WARS1: variants seen among roughly 807,000 people sequenced by gnomAD.
The protein encoded by WARS1 is tryptophan--tRNA ligase, cytoplasmic.
A neutral mutation model predicts 47.8 loss-of-function variants in WARS1; 17 were observed. The ratio of observed to expected loss-of-function variants is 0.36; its 90% confidence interval spans 0.24 to 0.53. WARS1 has a LOEUF of 0.53. Ranked by LOEUF, WARS1 falls within the 20% of genes least tolerant of loss-of-function variation. The pLI is 0.91. For synonymous variants in WARS1, 208 were observed against 228.1 expected (o/e 0.91, Z 0.79); for missense variants, 434 against 608.0 (o/e 0.71, Z 3.01).
intron 4 of WARS1, 141 bp from the exon 5 acceptor site, chr14:100,354,707 GATATAA>G (rs1895202563): frequency 3.0e-6 from 3 of 1,005,560 alleles, no homozygotes; most frequent in Admixed American, 2.8e-5. Flanking sequence ...TGGTGCTTAT[GATATAA>G]ATATAGACAG....
At chr14:100,338,890 G>A (rs528819956) in intron 9 of WARS1, among the ~76,000 whole-genome samples, 203 of 148,830 alleles carry the variant, frequency 1.4e-3, no homozygotes, top group African/African-American at 4.8e-3. Flanking sequence ...GCAGATCACC[G>A]GAGGTAAGGA....
At chr14:100,339,666 G>GA (rs571114512) in intron 9 of WARS1, among the ~76,000 whole-genome samples, 2 of 150,128 alleles carry the variant, frequency 1.3e-5, no homozygotes, top group African/African-American at 4.9e-5. Flanking sequence ...ACAGGAGGAA[G>GA]AAAAAAACCA....
intron 9 of WARS1, among the ~76,000 whole-genome samples, chr14:100,338,644 G>A (rs963909943): frequency 7.3e-5 from 11 of 151,366 alleles, no homozygotes; most frequent in African/African-American, 2.7e-4. Context: ...ATGTTGGCCA[G>A]GCTGGTCTTG....
At chr14:100,363,646 G>A (rs1194294343) in intron 2 of WARS1, among the ~76,000 whole-genome samples, 2 of 152,214 alleles carry the variant, frequency 1.3e-5, no homozygotes, top group Non-Finnish European at 2.9e-5. Flanking sequence ...GCAGTGAGCC[G>A]AGATTGCACC....
rs1322247793 is a variant in WARS1 at position 100,351,991 on chromosome 14, TC to T, written c.725+1695del. 4.1e-3 allele frequency among the ~76,000 whole-genome samples: 286 copies of T among 69,390 alleles called. 1 individual carries two copies. The highest frequency in any genetic ancestry group is 9.5e-3 in the African/African-American group (261 of 27,338). The allele number at this position is 69,390 out of a possible 152,430, so 45.5% of individuals were successfully genotyped here. A position where few individuals can be genotyped will look rare whatever the true frequency, so the allele number is the denominator to read the frequency against. On this transcript the variant is annotated intron_variant, in intron 6 of 10. Coordinates refer to ENST00000392882, the MANE Select transcript of WARS1 (RefSeq NM_004184.4). ...CTGGGTGACAGAGCGAGACTCCGTC[TC>T]AAAAAAAAAAAGAAAAAGAAAAAGC... is the stretch of plus-strand genomic sequence containing the variant.
chr14:100,368,944 AGAGT>A (rs1896172465), intron 2 of WARS1, 139 bp downstream of exon 2: 1 of 454,338 alleles, frequency 2.2e-6, no homozygotes, highest in Non-Finnish European at 3.5e-6. Context: ...CTGGGAAACA[AGAGT>A]GAAATTCCCT....
chr14:100,353,551 C>G, intron 6 of WARS1, 136 bp downstream of exon 6: 1 of 1,137,078 alleles, frequency 8.8e-7, no homozygotes, highest in Non-Finnish European at 1.2e-6. Flanking sequence ...GCTGGCCACT[C>G]ATAGCATTTA....
chr14:100,361,185 C>A (rs1895638114), intron 3 of WARS1, among the ~76,000 whole-genome samples: 1 of 152,190 alleles, frequency 6.6e-6, no homozygotes, highest in Non-Finnish European at 1.5e-5. Flanking sequence ...TCTGTTTCTT[C>A]TCTGATAATT....
At chr14:100,374,315 C>T (rs933142302) in intron 1 of WARS1, 2 of 152,156 alleles carry the variant, frequency 1.3e-5, no homozygotes, top group Non-Finnish European at 2.9e-5. Context: ...TATTATCTTC[C>T]CTAAACAAAA....
chr14:100,355,636 A>C (rs561712483), intron 4 of WARS1, among the ~76,000 whole-genome samples: 1 of 152,292 alleles, frequency 6.6e-6, no homozygotes, highest in East Asian at 1.9e-4. Flanking sequence ...CAAATACAAG[A>C]GGAATAACTA....
chr14:100,366,349 A>ACAAAAGG (rs1421545981), intron 2 of WARS1, among the ~76,000 whole-genome samples: 19 of 152,228 alleles, frequency 1.2e-4, no homozygotes, highest in African/African-American at 4.6e-4. Flanking sequence ...AAAGGGGAGC[A>ACAAAAGG]GCCTGGTCAC....
intron 1 of WARS1, among the ~76,000 whole-genome samples, chr14:100,369,685 T>G (rs1207022232): frequency 6.6e-6 from 1 of 152,042 alleles, no homozygotes; most frequent in Non-Finnish European, 1.5e-5. Flanking sequence ...TATTTGATTT[T>G]TTTTTTTTTT....
At chr14:100,364,261 T>G (rs1307755102) in intron 2 of WARS1, among the ~76,000 whole-genome samples, 1 of 152,260 alleles carries the variant, frequency 6.6e-6, no homozygotes, top group African/African-American at 2.4e-5. Context: ...ATTGCTTCTT[T>G]AGTCCTGCTC....
intron 9 of WARS1, among the ~76,000 whole-genome samples, chr14:100,339,285 GAGGCTC>G (rs1893974331): frequency 6.6e-6 from 1 of 151,878 alleles, no homozygotes; most frequent in Non-Finnish European, 1.5e-5. Flanking sequence ...AGTCACGCGA[GAGGCTC>G]AGGCAAGGCC....
rs1264716740 is a variant in WARS1, at chr14:100,334,108, G to C, written c.*767C>G. 3 of 152,686 alleles carry C rather than the reference G, an allele frequency of 2.0e-5. No homozygotes were observed. The highest frequency in any genetic ancestry group is 4.4e-5 in the Non-Finnish European group (3 of 68,070). 9.5% of individuals were successfully genotyped at this position (152,686 alleles called of 1,614,324 possible). On this transcript the variant is annotated 3_prime_UTR_variant, in exon 11 of 11. Coordinates refer to ENST00000392882, the MANE Select transcript of WARS1 (RefSeq NM_004184.4). ...ACTCCTTGGCATCGGACACAGTCAG[G>C]GGAAAAGCCACCCTGACTCTGCAGG...
At chr14:100,347,308 C>T (rs530052953) in intron 6 of WARS1, among the ~76,000 whole-genome samples, 1 of 152,258 alleles carries the variant, frequency 6.6e-6, no homozygotes, top group South Asian at 2.1e-4. Flanking sequence ...ACCCACGGCC[C>T]GAGAAGGAGG....
rs1895142241 is a variant in WARS1 at position 100,353,745 on chromosome 14, T to C, written c.667A>G (p.Ile223Val). Reference protein sequence around the residue: ...SYAVENAKDIIACGFDINKTF... With the variant: ...SYAVENAKDIVACGFDINKTF... ...TTGTTGATGTCAAAGCCACAGGCGATGATGTCCTTGGCATTCTCCACAGCA... is the reference window on the plus strand; with the variant it reads ...TTGTTGATGTCAAAGCCACAGGCGACGATGTCCTTGGCATTCTCCACAGCA... The change falls in exon 6 of 11, where the codon ATC becomes GTC. Residue 223 changes from isoleucine to valine, a missense_variant. Ile to Val is a conservative substitution (Grantham distance 29, BLOSUM62 3). This residue lies in a region of WARS1 where 347 missense variants were observed against 523.8 expected (regional missense o/e 0.66). Coordinates refer to ENST00000392882, the MANE Select transcript of WARS1 (RefSeq NM_004184.4). 8 of 1,614,218 alleles carry C rather than the reference T, an allele frequency of 5.0e-6. No homozygotes were observed. The highest frequency in any genetic ancestry group is 5.9e-6 in the Non-Finnish European group (7 of 1,180,044).
rs1895143103 is a variant in WARS1, at chr14:100,353,771, T to A, written c.641A>T (p.Tyr214Phe). 1 of 1,614,164 alleles carries A rather than the reference T, an allele frequency of 6.2e-7. No individual in the cohort carries two copies. The highest frequency in any genetic ancestry group is 2.2e-5 in the East Asian group (1 of 44,882). The change falls in exon 6 of 11, where the codon TAT becomes TTT. Residue 214 changes from tyrosine to phenylalanine, a missense_variant. Physicochemically the swap from Tyr to Phe is conservative, Grantham distance 22. Transcript: ENST00000392882. ...KDLTLDQAYS[Y>F]AVENAKDIIA... ...GATGTCCTTGGCATTCTCCACAGCA[T>A]AGCTATAGGCCTGGTCCAGGGTCAG...
chr14:100,375,023 G>A (rs1896569565), intron 1 of WARS1: 1 of 152,206 alleles, frequency 6.6e-6, no homozygotes, highest in Admixed American at 6.5e-5. Context: ...AGCACAGAAG[G>A]AGGGTGCATC....
Sources: gnomAD v4.1 joint callset for allele counts (sites outside exome capture counted in the v4.1 genomes callset) on GRCh38, gnomAD v4.1.1 for gene constraint, gnomAD v4.1.1 regional missense constraint, MANE v1.5 for transcripts, NCBI Gene and HGNC (gene_info 2026-07-23, HGNC 2026-07-21) for gene names.